The following CDK12 variants were observed in gnomAD, a reference collection of about 807,000 sequenced individuals.
The protein encoded by CDK12 is cyclin dependent kinase 12.
CDK12 carries 17 observed loss-of-function variants against 133.8 expected under a neutral mutation model. That is an observed-to-expected ratio of 0.13 (90% confidence interval 0.09 to 0.19). CDK12 has a LOEUF of 0.19. Among genes scored for constraint, CDK12 ranks in the 10% least tolerant of loss-of-function variants. The pLI, the probability that CDK12 is intolerant of heterozygous loss-of-function variation, is 1.00. For missense variants in CDK12, 1,508 were observed against 1,818.7 expected, an observed-to-expected ratio of 0.83 and a Z score of 3.11; for synonymous variants, 694 against 683.6, an observed-to-expected ratio of 1.02 and a Z score of -0.24.
intron 1 of CDK12, among the ~76,000 whole-genome samples, chr17:39,542,150 CAT>C (rs35821757): frequency 0.62 from 93,504 of 151,036 alleles, 32,004 homozygotes; most frequent in South Asian, 0.89. Flanking sequence ...ATTATATATA[CAT>C]ATATATATGT....
intron 2 of CDK12, among the ~76,000 whole-genome samples, chr17:39,481,150 G>A (rs57448077): frequency 0.63 from 95,841 of 151,310 alleles, 33,055 homozygotes; most frequent in South Asian, 0.89. Context: ...CTGCTTGGGA[G>A]GCTGAGGCAG....
At chr17:39,483,715 T>TTTAC in intron 2 of CDK12, among the ~76,000 whole-genome samples, 1 of 151,408 alleles carries the variant, frequency 6.6e-6, no homozygotes, top group East Asian at 1.9e-4. Flanking sequence ...TATTTATTTA[T>TTTAC]TTATTTATTT....
intron 1 of CDK12, among the ~76,000 whole-genome samples, chr17:39,541,707 G>C (rs1000937504): frequency 2.0e-5 from 3 of 152,180 alleles, no homozygotes; most frequent in African/African-American, 4.8e-5. Context: ...TTGTCCCTTT[G>C]GTTAAGCCAG....
chr17:39,492,977 C>T, intron 4 of CDK12, 87 bp downstream of exon 4: 1 of 1,186,952 alleles, frequency 8.4e-7, no homozygotes. Flanking sequence ...AAAGTAAATT[C>T]TGAGGTGTTT....
At chr17:39,537,805 ACCCGCCTCGGC>A (rs1294806191), downstream of CDK12, among the ~76,000 whole-genome samples, 1 of 151,584 alleles carries the variant, frequency 6.6e-6, no homozygotes, top group Non-Finnish European at 1.5e-5. Flanking sequence ...CTTGTGATCC[ACCCGCCTCGGC>A]CTCCCAAAGT....
chr17:39,491,315 G>A (rs945569957), intron 3 of CDK12, among the ~76,000 whole-genome samples: 3 of 151,996 alleles, frequency 2.0e-5, no homozygotes, highest in Non-Finnish European at 2.9e-5. Context: ...TCTGCTTACC[G>A]CAACCTCGGC....
At chr17:39,535,112 A>G (rs1010175695), downstream of CDK12, 12 of 152,224 alleles carry the variant, frequency 7.9e-5, no homozygotes, top group African/African-American at 2.2e-4. Flanking sequence ...AATCTTTCCC[A>G]TCTCCACCTG....
chr17:39,472,440 A>C (rs1267779688), intron 2 of CDK12, among the ~76,000 whole-genome samples: 1 of 152,020 alleles, frequency 6.6e-6, no homozygotes, highest in African/African-American at 2.4e-5. Flanking sequence ...TTGGGAGGCT[A>C]GGGCAGGCAG....
In CDK12 at chr17:39,499,612, C is replaced by T. The variant is rs2052569845; in HGVS notation, c.2420-1638C>T. 2.6e-5 allele frequency among the ~76,000 whole-genome samples: 4 copies of T among 151,398 alleles called. No individual in the cohort carries two copies. In the South Asian group the frequency reaches 8.4e-4, roughly 32 times the overall value. On this transcript the variant is annotated intron_variant, in intron 5 of 13. Transcript: ENST00000447079. ...GCGACCTCTGCCTGCTGGGTTCAAG[C>T]GATTCTCCTGCCTCAGCCTCCCGTG...
rs1240020222 is a variant in CDK12, at chr17:39,476,033, G to A, written c.1931+4270G>A. Among the ~76,000 whole-genome samples the A allele has an allele frequency of 2.0e-5, 3 of 151,866 alleles. No individual in the cohort carries two copies. The East Asian group carries it at 5.8e-4, about 29-fold the overall frequency. On this transcript the variant is annotated intron_variant, in intron 2 of 13. Transcript: ENST00000447079. ...TCATTTCAATACTTGTTTACATAGT[G>A]GCTAGAATATTAATGTGGGTAAGAA... is the stretch of plus-strand genomic sequence containing the variant.
At chr17:39,481,250 T>C (rs2050619226) in intron 2 of CDK12, among the ~76,000 whole-genome samples, 1 of 113,874 alleles carries the variant, frequency 8.8e-6, no homozygotes, top group Non-Finnish European at 1.9e-5. Flanking sequence ...CGAAACTCCG[T>C]CTCAAAAAAA....
At chr17:39,513,399 C>T (rs1471292976) in intron 8 of CDK12, among the ~76,000 whole-genome samples, 1 of 152,120 alleles carries the variant, frequency 6.6e-6, no homozygotes, top group East Asian at 1.9e-4. Context: ...GGAGAAAGAG[C>T]ATAATTTCTG....
At chr17:39,480,715 G>A (rs1036289082) in intron 2 of CDK12, among the ~76,000 whole-genome samples, 8 of 152,018 alleles carry the variant, frequency 5.3e-5, no homozygotes, top group African/African-American at 1.7e-4. Context: ...GAGCCAGCAC[G>A]CCCAGCCGAA....
chr17:39,498,960 T>C (rs1424284926), intron 5 of CDK12, among the ~76,000 whole-genome samples: 2 of 6 alleles, frequency 0.33, no homozygotes, highest in Admixed American at 0.5. Context: ...TCTTTCTTTC[T>C]TTCTTTCTTT....
intron 6 of CDK12, among the ~76,000 whole-genome samples, chr17:39,508,845 A>C (rs1351989526): frequency 6.6e-6 from 1 of 151,920 alleles, no homozygotes; most frequent in Non-Finnish European, 1.5e-5. Flanking sequence ...AAATAAAATA[A>C]TTAGCTGGAC....
At chr17:39,529,719 G>A (rs2054711214) in intron 13 of CDK12, among the ~76,000 whole-genome samples, 2 of 152,196 alleles carry the variant, frequency 1.3e-5, no homozygotes, top group Non-Finnish European at 2.9e-5. Context: ...TCTGGTGGAA[G>A]TAGTTCAAGA....
chr17:39,462,404 T>G lies in CDK12; in HGVS notation c.333T>G (p.His111Gln), dbSNP rs1162001892. The G allele has an allele frequency of 6.2e-7, 1 of 1,613,804 alleles. No homozygotes were observed. Among genetic ancestry groups the G allele is most frequent in the Non-Finnish European group, 8.5e-7 (1 of 1,180,008 alleles). The change falls in exon 1 of 14, where the codon CAT (histidine) becomes CAG (glutamine). Residue 111 changes from histidine to glutamine, a missense_variant. By Grantham distance (24) the His-to-Gln change is conservative (BLOSUM62 0). Coordinates refer to ENST00000447079, the MANE Select transcript of CDK12 (RefSeq NM_016507.4). Reference sequence around the variant, plus strand: ...ATCGGAGCGACCGCCTGCACAAACATCGTCACCACCAGCACAGGCGTTCCC... The same window carrying G: ...ATCGGAGCGACCGCCTGCACAAACAGCGTCACCACCAGCACAGGCGTTCCC... ...GSDRSDRLHK[H>Q]RHHQHRRSRD...
At chr17:39,495,812 A>G (rs973219438) in intron 5 of CDK12, among the ~76,000 whole-genome samples, 11 of 151,324 alleles carry the variant, frequency 7.3e-5, no homozygotes, top group Non-Finnish European at 1.0e-4. Context: ...AAAAAAAAAG[A>G]TGGTAGTAAT....
chr17:39,497,139 C>G (rs1420521072), intron 5 of CDK12, among the ~76,000 whole-genome samples: 1 of 151,988 alleles, frequency 6.6e-6, no homozygotes, highest in Non-Finnish European at 1.5e-5. Context: ...CGCCATTTGG[C>G]CGGGCTGGTC....
Sources: gnomAD v4.1 joint callset for allele counts (sites outside exome capture counted in the v4.1 genomes callset) on GRCh38, gnomAD v4.1.1 for gene constraint, MANE v1.5 for transcripts, NCBI Gene and HGNC (gene_info 2026-07-23, HGNC 2026-07-21) for gene names.